LHFPL3: variants seen among roughly 807,000 people sequenced by gnomAD.
LHFPL3 encodes LHFPL tetraspan subfamily member 3 protein.
In LHFPL3, 5 loss-of-function variants were observed where a neutral mutation model predicts 19.3. The observed-to-expected ratio is 0.26, with a 90% CI of 0.14 to 0.54. The LOEUF (loss-of-function observed/expected upper bound fraction) is 0.54, where lower values mean the gene tolerates loss of function less well. Ranked by LOEUF, LHFPL3 falls within the 20% of genes least tolerant of loss-of-function variation. The pLI, the probability that LHFPL3 is intolerant of heterozygous loss-of-function variation, is 0.94. For synonymous variants in LHFPL3, 133 were observed against 126.2 expected (o/e 1.05, Z -0.36); for missense variants, 249 against 307.4 (o/e 0.81, Z 1.42).
intron 2 of LHFPL3, among the ~76,000 whole-genome samples, chr7:104,882,268 G>A (rs1792073000): frequency 6.6e-6 from 1 of 152,086 alleles, no homozygotes. Flanking sequence ...TTTATTTAGA[G>A]ATGGAGTCTC....
chr7:104,728,325 A>T (rs947376802), intron 1 of LHFPL3, among the ~76,000 whole-genome samples: 1 of 152,074 alleles, frequency 6.6e-6, no homozygotes, highest in Non-Finnish European at 1.5e-5. Flanking sequence ...TAGCTTCAGG[A>T]ATTATATGGC....
At chr7:104,612,692 G>A (rs909288039) in intron 1 of LHFPL3, among the ~76,000 whole-genome samples, 6 of 152,140 alleles carry the variant, frequency 3.9e-5, no homozygotes, top group African/African-American at 1.4e-4. Flanking sequence ...CCTTCATGCC[G>A]CTCAGCTGAT....
intron 2 of LHFPL3, among the ~76,000 whole-genome samples, chr7:104,827,700 T>C (rs752059686): frequency 2.0e-5 from 3 of 151,796 alleles, no homozygotes; most frequent in Non-Finnish European, 4.4e-5. Context: ...ATCAGAACAA[T>C]TAATTTATTT....
At chr7:104,602,887 G>A (rs1399529425) in intron 1 of LHFPL3, among the ~76,000 whole-genome samples, 1 of 151,968 alleles carries the variant, frequency 6.6e-6, no homozygotes, top group Non-Finnish European at 1.5e-5. Context: ...GAGAGAAAAG[G>A]GGCTGAACTC....
intron 1 of LHFPL3, among the ~76,000 whole-genome samples, chr7:104,330,598 A>G (rs952497632): frequency 6.6e-6 from 1 of 152,116 alleles, no homozygotes; most frequent in Non-Finnish European, 1.5e-5. Flanking sequence ...GGCTCGCCTG[A>G]TATTGATTTG....
chr7:104,794,681 T>C (rs1790084782), intron 2 of LHFPL3, among the ~76,000 whole-genome samples: 1 of 152,246 alleles, frequency 6.6e-6, no homozygotes, highest in African/African-American at 2.4e-5. Flanking sequence ...AGCAGTTCCT[T>C]TCTTTTCTTG....
At chr7:104,819,990 A>G (rs148929946) in intron 2 of LHFPL3, among the ~76,000 whole-genome samples, 5 of 152,296 alleles carry the variant, frequency 3.3e-5, no homozygotes, top group African/African-American at 9.6e-5. Flanking sequence ...AGGAAGAGAA[A>G]ACTCTGTCTC....
At chr7:104,544,915 A>T (rs966320709) in intron 1 of LHFPL3, among the ~76,000 whole-genome samples, 9 of 152,176 alleles carry the variant, frequency 5.9e-5, no homozygotes, top group African/African-American at 2.2e-4. Flanking sequence ...CTTAATTAAG[A>T]ACAATGTCAT....
chr7:104,383,837 A>G (rs1228624608), intron 1 of LHFPL3, among the ~76,000 whole-genome samples: 2 of 152,168 alleles, frequency 1.3e-5, no homozygotes, highest in Non-Finnish European at 2.9e-5. Flanking sequence ...ATTAAAGGTT[A>G]ATTTTGAATC....
chr7:104,545,418 A>G (rs1794560413), intron 1 of LHFPL3, among the ~76,000 whole-genome samples: 1 of 152,158 alleles, frequency 6.6e-6, no homozygotes, highest in Non-Finnish European at 1.5e-5. Context: ...GCTGGCCTTC[A>G]GGAAATATCC....
intron 2 of LHFPL3, among the ~76,000 whole-genome samples, chr7:104,804,899 G>T (rs1458963923): frequency 6.6e-6 from 1 of 152,200 alleles, no homozygotes; most frequent in Non-Finnish European, 1.5e-5. Context: ...ACAAATGTGG[G>T]CTGTTCTAAG....
intron 1 of LHFPL3, among the ~76,000 whole-genome samples, chr7:104,449,853 G>A (rs1247724792): frequency 6.6e-6 from 1 of 152,162 alleles, no homozygotes; most frequent in Non-Finnish European, 1.5e-5. Flanking sequence ...TGAAATGGTA[G>A]TGAAGTTTTC....
At chr7:104,748,692 G>A in intron 2 of LHFPL3, among the ~76,000 whole-genome samples, 1 of 152,004 alleles carries the variant, frequency 6.6e-6, no homozygotes, top group Non-Finnish European at 1.5e-5. Context: ...CCCCCTCTTG[G>A]AGAAACACCC....
intron 2 of LHFPL3, among the ~76,000 whole-genome samples, chr7:104,868,991 A>C (rs564439706): frequency 1.3e-5 from 2 of 152,350 alleles, no homozygotes; most frequent in Admixed American, 6.5e-5. Context: ...TTCCCTATTT[A>C]ATAAATGGTG....
chr7:104,670,554 G>A (rs1172319428), intron 1 of LHFPL3, among the ~76,000 whole-genome samples: 1 of 152,104 alleles, frequency 6.6e-6, no homozygotes, highest in Non-Finnish European at 1.5e-5. Context: ...GATGTCTTGG[G>A]CATTTTCTCT....
At chr7:104,865,050 A>T (rs544150691) in intron 2 of LHFPL3, among the ~76,000 whole-genome samples, 1 of 152,216 alleles carries the variant, frequency 6.6e-6, no homozygotes, top group African/African-American at 2.4e-5. Context: ...AACAGAAAGG[A>T]CATCCACACA....
intron 1 of LHFPL3, among the ~76,000 whole-genome samples, chr7:104,586,933 G>C (rs1299175271): frequency 6.6e-6 from 1 of 152,060 alleles, no homozygotes; most frequent in East Asian, 1.9e-4. Flanking sequence ...TGTCCCTGTT[G>C]AAAGATTATG....
chr7:104,431,047 A>G lies in LHFPL3; in HGVS notation c.445+101823A>G, dbSNP rs918327369. The stretch of plus-strand genomic sequence containing the variant: ...TGAATAAAATAAATAAAAATGCTCA[A>G]TTCCTTCTTATGTAAAAAGACTTTC... On this transcript the variant is annotated intron_variant, in intron 1 of 2. Coordinates refer to ENST00000424859, the MANE Select transcript of LHFPL3 (RefSeq NM_199000.3). Among the ~76,000 whole-genome samples, 6 of 152,294 alleles carry G rather than the reference A, an allele frequency of 3.9e-5. No individual in the cohort carries two copies. In the East Asian group the frequency reaches 1.2e-3, roughly 29 times the overall value.
At chr7:104,855,029 T>C (rs1012185912) in intron 2 of LHFPL3, among the ~76,000 whole-genome samples, 6 of 152,258 alleles carry the variant, frequency 3.9e-5, no homozygotes, top group South Asian at 2.1e-4. Context: ...TCCTGTGAAA[T>C]TGTACCATTC....
Sources: gnomAD v4.1 joint callset for allele counts (sites outside exome capture counted in the v4.1 genomes callset) on GRCh38, gnomAD v4.1.1 for gene constraint, MANE v1.5 for transcripts, NCBI Gene and HGNC (gene_info 2026-07-23, HGNC 2026-07-21) for gene names.